SMYD3: variants seen among roughly 807,000 people sequenced by gnomAD.
The protein encoded by SMYD3 is histone-lysine N-methyltransferase SMYD3.
SMYD3 carries 36 observed loss-of-function variants against 57.7 expected under a neutral mutation model. That is an observed-to-expected ratio of 0.62 (90% confidence interval 0.48 to 0.82). The LOEUF (loss-of-function observed/expected upper bound fraction) is 0.82, where lower values mean the gene tolerates loss of function less well. Ranked by LOEUF, SMYD3 falls within the 40% of genes least tolerant of loss-of-function variation. The pLI, the probability that SMYD3 is intolerant of heterozygous loss-of-function variation, is 0.00. For synonymous variants in SMYD3, 211 were observed against 195.0 expected, an observed-to-expected ratio of 1.08 and a Z score of -0.68; for missense variants, 515 against 538.8, an observed-to-expected ratio of 0.96 and a Z score of 0.44.
At chr1:246,270,687 T>C (rs1174030303) in intron 5 of SMYD3, among the ~76,000 whole-genome samples, 1 of 152,230 alleles carries the variant, frequency 6.6e-6, no homozygotes, top group Admixed American at 6.5e-5. Context: ...CATTTTATGA[T>C]ATGTATGTAT....
chr1:246,097,643 C>A (rs2060938922), intron 5 of SMYD3, among the ~76,000 whole-genome samples: 1 of 152,064 alleles, frequency 6.6e-6, no homozygotes. Flanking sequence ...CAGTTTCCAA[C>A]CAGTACTTTC....
chr1:246,290,209 T>C (rs1179145501), intron 5 of SMYD3, among the ~76,000 whole-genome samples: 2 of 152,226 alleles, frequency 1.3e-5, no homozygotes, highest in African/African-American at 4.8e-5. Context: ...CTAAACCATC[T>C]ACATTCCATA....
chr1:245,977,071 C>G (rs144283696), intron 5 of SMYD3, among the ~76,000 whole-genome samples: 15 of 151,486 alleles, frequency 9.9e-5, no homozygotes, highest in African/African-American at 3.7e-4. Context: ...GCCATCGTCT[C>G]TAGCCTATGT....
At chr1:246,502,999 T>C (rs2068480726) in intron 1 of SMYD3, among the ~76,000 whole-genome samples, 1 of 152,186 alleles carries the variant, frequency 6.6e-6, no homozygotes, top group East Asian at 1.9e-4. Flanking sequence ...TAGGCCCGTG[T>C]TGGCCTATCA....
chr1:246,116,201 G>GACACAC (rs56722969), intron 5 of SMYD3, among the ~76,000 whole-genome samples: 3,236 of 145,970 alleles, frequency 0.022, 51 homozygotes, highest in Middle Eastern at 0.044. Context: ...CCCTGAGATG[G>GACACAC]ACACACACAC....
chr1:245,927,792 A>G, intron 7 of SMYD3, 139 bp downstream of exon 7: 2 of 648,884 alleles, frequency 3.1e-6, no homozygotes, highest in East Asian at 3.2e-5. Flanking sequence ...GGGAGAGGTG[A>G]CTGAACTACA....
intron 5 of SMYD3, among the ~76,000 whole-genome samples, chr1:246,090,746 G>A (rs1417780724): frequency 6.6e-6 from 1 of 151,986 alleles, no homozygotes; most frequent in Non-Finnish European, 1.5e-5. Context: ...TCGAACTCCT[G>A]ACCTCAGGAT....
rs982138627 is a variant in SMYD3, at chr1:245,844,823, T to A, written c.1076+13673A>T. ...CCAGGGAAACATGACTTTTCTAGCT[T>A]TAGCCAATCACAGACAGACTGCCTC... On this transcript the variant is annotated intron_variant, in intron 10 of 11. Transcript: ENST00000490107. 1.5e-4 allele frequency among the ~76,000 whole-genome samples: 23 copies of A among 151,868 alleles called. 1 individual carries two copies. The highest frequency in any genetic ancestry group is 7.4e-5 in the Non-Finnish European group (5 of 68,022).
At position 246,240,304 on chromosome 1, in the gene SMYD3, C is replaced by A. The variant is rs530089650; in HGVS notation, c.531+86897G>T. 3.9e-5 allele frequency among the ~76,000 whole-genome samples: 6 copies of A among 152,324 alleles called. No homozygotes were observed. The South Asian group carries it at 1.2e-3, about 32-fold the overall frequency. ...GAAAGGATCCAGTTTTAGCTTTCTA[C>A]ATGTGGCTAGTCACTTTTGCCAGCA... On this transcript the variant is annotated intron_variant, in intron 5 of 11. Coordinates refer to ENST00000490107, the MANE Select transcript of SMYD3 (RefSeq NM_001167740.2).
chr1:246,222,221 A>G (rs1256176322), intron 5 of SMYD3, among the ~76,000 whole-genome samples: 5 of 152,182 alleles, frequency 3.3e-5, no homozygotes, highest in African/African-American at 1.2e-4. Flanking sequence ...GGTTAAATGA[A>G]TGCTACTAAT....
At chr1:245,999,081 T>C (rs1238405496) in intron 5 of SMYD3, among the ~76,000 whole-genome samples, 3 of 152,110 alleles carry the variant, frequency 2.0e-5, no homozygotes, top group South Asian at 2.1e-4. Context: ...TGCACAAGAC[T>C]GTGGATGTAA....
intron 5 of SMYD3, among the ~76,000 whole-genome samples, chr1:245,986,956 T>G (rs960077445): frequency 6.6e-6 from 1 of 152,240 alleles, no homozygotes. Context: ...TATGTAAATG[T>G]CAATGTACAT....
At chr1:246,074,753 C>T (rs2060517609) in intron 5 of SMYD3, among the ~76,000 whole-genome samples, 1 of 152,100 alleles carries the variant, frequency 6.6e-6, no homozygotes, top group Non-Finnish European at 1.5e-5. Context: ...GCATAAAATG[C>T]CTGAATCTCT....
At chr1:246,441,661 G>T (rs1190788552) in intron 1 of SMYD3, among the ~76,000 whole-genome samples, 2 of 152,138 alleles carry the variant, frequency 1.3e-5, no homozygotes, top group Non-Finnish European at 2.9e-5. Flanking sequence ...GTCCAGCCTG[G>T]AGTGCAGTGG....
intron 5 of SMYD3, among the ~76,000 whole-genome samples, chr1:245,942,614 G>C (rs1233488015): frequency 6.6e-6 from 1 of 152,116 alleles, no homozygotes; most frequent in Non-Finnish European, 1.5e-5. Flanking sequence ...ACTCAGCTCT[G>C]GATAAGTGGA....
intron 5 of SMYD3, among the ~76,000 whole-genome samples, chr1:245,983,061 T>C (rs2058632049): frequency 6.6e-6 from 1 of 152,208 alleles, no homozygotes; most frequent in African/African-American, 2.4e-5. Context: ...CTCTGCATGA[T>C]GGTAGATGAC....
chr1:245,881,631 T>G (rs184780106), intron 8 of SMYD3, among the ~76,000 whole-genome samples: 1 of 152,178 alleles, frequency 6.6e-6, no homozygotes, highest in East Asian at 1.9e-4. Context: ...ACAAGACTGA[T>G]AGGGTCATTA....
At chr1:245,976,902 TCTAGCCTAGGGAAAG>T (rs2058444168) in intron 5 of SMYD3, among the ~76,000 whole-genome samples, 1 of 55,204 alleles carries the variant, frequency 1.8e-5, no homozygotes, top group Non-Finnish European at 4.5e-5. Context: ...AGCCATCGTC[TCTAGCCTAGGGAAAG>T]CCATCGTCTC....
At chr1:245,763,668 A>G (rs1335296669) in intron 11 of SMYD3, among the ~76,000 whole-genome samples, 1 of 152,116 alleles carries the variant, frequency 6.6e-6, no homozygotes, top group Non-Finnish European at 1.5e-5. Flanking sequence ...AGGGACACGG[A>G]CTGTGTTCCG....
Sources: gnomAD v4.1 joint callset for allele counts (sites outside exome capture counted in the v4.1 genomes callset) on GRCh38, gnomAD v4.1.1 for gene constraint, MANE v1.5 for transcripts, NCBI Gene and HGNC (gene_info 2026-07-23, HGNC 2026-07-21) for gene names.